Variants in DOCK11 observed in about 807,000 individuals in gnomAD.
DOCK11 encodes dedicator of cytokinesis protein 11.
A neutral mutation model predicts 169.1 loss-of-function variants in DOCK11; 70 were observed. The ratio of observed to expected loss-of-function variants is 0.41; its 90% CI spans 0.34 to 0.51. DOCK11 has a LOEUF of 0.51. DOCK11 is among the 20% of genes least tolerant of loss of function. DOCK11 has a pLI of 0.10. For missense variants in DOCK11, 1,166 were observed against 1,538.8 expected (o/e 0.76, Z 4.05); for synonymous variants, 529 against 541.3 (o/e 0.98, Z 0.32).
intron 40 of DOCK11, among the ~76,000 whole-genome samples, chrX:118,646,356 A>C (rs146928620): frequency 0.019 from 2,060 of 111,128 alleles, 19 homozygotes; most frequent in Non-Finnish European, 0.028. Context: ...ACAACAACAA[A>C]AAAAATCAGG....
At chrX:118,524,763 G>A (rs1255255367) in intron 1 of DOCK11, among the ~76,000 whole-genome samples, 1 of 111,424 alleles carries the variant, frequency 9.0e-6, no homozygotes, top group Non-Finnish European at 1.9e-5. Flanking sequence ...GGCGGACCTG[G>A]AACCCTTGTG....
chrX:118,589,348 T>C (rs1450187972), intron 18 of DOCK11, among the ~76,000 whole-genome samples: 1 of 111,868 alleles, frequency 8.9e-6, no homozygotes, highest in Non-Finnish European at 1.9e-5. Context: ...AATATCCTTT[T>C]GTAGACCCAA....
chrX:118,682,415 CCTGT>C (rs1183846759), intron 51 of DOCK11, among the ~76,000 whole-genome samples: 1 of 111,550 alleles, frequency 9.0e-6, no homozygotes, highest in Non-Finnish European at 1.9e-5. Context: ...GTTTACTTTT[CCTGT>C]CTATGTTTTA....
intron 20 of DOCK11, among the ~76,000 whole-genome samples, chrX:118,596,588 C>T (rs997390962): frequency 8.9e-6 from 1 of 112,016 alleles, no homozygotes; most frequent in African/African-American, 3.2e-5. Context: ...TTTTTTACAG[C>T]TGAGTTATAA....
intron 23 of DOCK11, among the ~76,000 whole-genome samples, chrX:118,603,434 A>T (rs185983727): frequency 4.4e-5 from 5 of 112,461 alleles, no homozygotes; most frequent in South Asian, 3.7e-4. Flanking sequence ...TAAATTACAG[A>T]GGACTGCTAC....
intron 44 of DOCK11, among the ~76,000 whole-genome samples, chrX:118,661,735 T>G (rs1329893111): frequency 8.9e-6 from 1 of 111,827 alleles, no homozygotes; most frequent in Non-Finnish European, 1.9e-5. Flanking sequence ...GCAGACACAG[T>G]AGGAATGTTT....
At position 118,538,653 on chromosome X, in the gene DOCK11, C is replaced by T. The variant is rs915685996; in HGVS notation, c.103-4072C>T. On this transcript the variant is annotated intron_variant, in intron 1 of 52. Transcript: ENST00000276202. ...AAATGCCTTCGCCTTTTACTTAGCA[C>T]TGCTCCGGAACTGTATGGAAGTTGC... 2.8e-5 allele frequency: 21 copies of T among 743,371 alleles called. No homozygotes were observed. The Admixed American group carries it at 7.1e-4, about 25-fold the overall frequency. 61.3% of individuals were successfully genotyped at this position (743,371 alleles called of 1,213,427 possible).
At chrX:118,501,962 T>C (rs1196509685) in intron 1 of DOCK11, among the ~76,000 whole-genome samples, 1 of 112,171 alleles carries the variant, frequency 8.9e-6, no homozygotes, top group Non-Finnish European at 1.9e-5. Flanking sequence ...TTCATGTTGA[T>C]TGGCCTTTCA....
intron 40 of DOCK11, among the ~76,000 whole-genome samples, chrX:118,648,421 A>T (rs2015850475): frequency 1.0e-5 from 1 of 96,381 alleles, no homozygotes; most frequent in Non-Finnish European, 2.0e-5. Flanking sequence ...CTTTTGCTTT[A>T]TATTTCAACA....
intron 11 of DOCK11, 127 bp downstream of exon 11, chrX:118,572,590 TC>T: frequency 1.9e-6 from 1 of 528,747 alleles, no homozygotes; most frequent in Non-Finnish European, 2.9e-6. Flanking sequence ...GCACATGTAC[TC>T]CTGAACCTAA....
chrX:118,632,967 G>GGC (rs1210607181), intron 35 of DOCK11: 1 of 52,026 alleles, frequency 1.9e-5, no homozygotes, highest in African/African-American at 6.0e-5. Flanking sequence ...GGTGGGGGGC[G>GGC]GTGGGGGGGG....
chrX:118,595,822 T>C lies in DOCK11; in HGVS notation c.2264-1609T>C, dbSNP rs773304722. ...TTTGAATAGGGGAAACGCTTGGTCGTGCTCTGATTCATTTACAGTACAAAA... is the reference window on the plus strand; with the variant it reads ...TTTGAATAGGGGAAACGCTTGGTCGCGCTCTGATTCATTTACAGTACAAAA... On this transcript the variant is annotated intron_variant, in intron 20 of 52. Coordinates refer to ENST00000276202, the MANE Select transcript of DOCK11 (RefSeq NM_144658.4). 1.4e-3 allele frequency among the ~76,000 whole-genome samples: 159 copies of C among 111,656 alleles called. 1 individual carries two copies. The highest frequency in any genetic ancestry group is 4.9e-3 in the African/African-American group (150 of 30,736).
chrX:118,643,225 T>C (rs775462889), intron 39 of DOCK11, among the ~76,000 whole-genome samples: 14 of 111,822 alleles, frequency 1.3e-4, no homozygotes, highest in Non-Finnish European at 2.1e-4. Flanking sequence ...CTGTGTTGCA[T>C]TGAAAAAAAA....
intron 6 of DOCK11, among the ~76,000 whole-genome samples, chrX:118,546,652 T>C (rs1377853375): frequency 9.0e-6 from 1 of 111,599 alleles, no homozygotes; most frequent in Non-Finnish European, 1.9e-5. Flanking sequence ...GATAGTGAGT[T>C]TGCATAAGGG....
At chrX:118,669,657 C>T (rs908016305) in intron 45 of DOCK11, among the ~76,000 whole-genome samples, 1 of 112,257 alleles carries the variant, frequency 8.9e-6, no homozygotes, top group Non-Finnish European at 1.9e-5. Context: ...TTTTAACATA[C>T]GCATTCTGAG....
At chrX:118,652,456 A>G (rs1160627144) in intron 42 of DOCK11, among the ~76,000 whole-genome samples, 1 of 111,473 alleles carries the variant, frequency 9.0e-6, no homozygotes, top group African/African-American at 3.3e-5. Flanking sequence ...TGAATTTGAA[A>G]TTTCACAAAA....
Position 118,593,308 on chromosome X carries a change from C to T in DOCK11, c.2234C>T (p.Thr745Ile). Residue 745 changes from threonine (T) to isoleucine (I), a missense_variant, in exon 20 of 53, where the codon ACC (threonine) becomes ATC (isoleucine). Transcript: ENST00000276202. Reference protein sequence around the residue: ...VSCEINTKGTTKKQDTVETPV... With the variant: ...VSCEINTKGTIKKQDTVETPV... ...TGTGAAATTAACACAAAGGGAACAA[C>T]CAAAAAGCAAGACACAGTTGAAACT... 8 of 1,202,666 alleles carry T rather than the reference C, an allele frequency of 6.7e-6. No individual in the cohort carries two copies. The highest frequency in any genetic ancestry group is 7.8e-6 in the Non-Finnish European group (7 of 892,315).
chrX:118,499,849 C>T (rs2057562287), intron 1 of DOCK11, among the ~76,000 whole-genome samples: 1 of 111,146 alleles, frequency 9.0e-6, no homozygotes, highest in African/African-American at 3.3e-5. Context: ...GTTAGCAGGG[C>T]CCAGAGCAAG....
intron 6 of DOCK11, among the ~76,000 whole-genome samples, chrX:118,559,560 T>C (rs2012834586): frequency 9.0e-6 from 1 of 111,024 alleles, no homozygotes; most frequent in African/African-American, 3.3e-5. Flanking sequence ...ATTTTAAGCC[T>C]TCTATTCCCA....
Sources: gnomAD v4.1 joint callset for allele counts (sites outside exome capture counted in the v4.1 genomes callset) on GRCh38, gnomAD v4.1.1 for gene constraint, MANE v1.5 for transcripts, NCBI Gene and HGNC (gene_info 2026-07-23, HGNC 2026-07-21) for gene names.